Variants in EFNA5 observed in about 807,000 individuals in gnomAD.
EFNA5 encodes the protein ephrin A5.
EFNA5 carries 5 observed loss-of-function variants against 22.9 expected under a neutral mutation model. The ratio of observed to expected loss-of-function variants is 0.22; its 90% confidence interval spans 0.11 to 0.46. The LOEUF (loss-of-function observed/expected upper bound fraction) is 0.46. Ranked by LOEUF, EFNA5 falls within the 20% of genes least tolerant of loss-of-function variation. EFNA5 has a pLI of 0.99. For missense variants in EFNA5, 237 were observed against 293.3 expected, an observed-to-expected ratio of 0.81 and a Z score of 1.40; for synonymous variants, 113 against 112.2, an observed-to-expected ratio of 1.01 and a Z score of -0.04.
At chr5:107,627,635 C>CAAAAAAAA (rs758660866) in intron 1 of EFNA5, among the ~76,000 whole-genome samples, 3 of 72,082 alleles carry the variant, frequency 4.2e-5, no homozygotes, top group African/African-American at 1.0e-4. Flanking sequence ...GACCACATCT[C>CAAAAAAAA]AAAAAAAAAA....
intron 1 of EFNA5, among the ~76,000 whole-genome samples, chr5:107,638,913 A>G (rs1750443411): frequency 6.6e-6 from 1 of 152,240 alleles, no homozygotes; most frequent in African/African-American, 2.4e-5. Context: ...TCTACAATGT[A>G]TACATACATC....
chr5:107,515,859 A>G (rs1358283281), intron 1 of EFNA5, among the ~76,000 whole-genome samples: 3 of 152,224 alleles, frequency 2.0e-5, no homozygotes, highest in Non-Finnish European at 4.4e-5. Flanking sequence ...TCCAAGCCCA[A>G]GAAACTAAAA....
At chr5:107,611,481 G>T (rs1351352187) in intron 1 of EFNA5, among the ~76,000 whole-genome samples, 7 of 152,174 alleles carry the variant, frequency 4.6e-5, no homozygotes, top group African/African-American at 1.4e-4. Context: ...CCTCAATATA[G>T]TAAAAGAGGG....
intron 1 of EFNA5, among the ~76,000 whole-genome samples, chr5:107,591,625 A>G (rs1749326976): frequency 6.6e-6 from 1 of 150,754 alleles, no homozygotes; most frequent in South Asian, 2.1e-4. Flanking sequence ...GTTCGAGACC[A>G]GCCTGGCCAA....
At chr5:107,531,317 C>T (rs541873897) in intron 1 of EFNA5, among the ~76,000 whole-genome samples, 6 of 152,266 alleles carry the variant, frequency 3.9e-5, no homozygotes, top group South Asian at 2.1e-4. Flanking sequence ...CATTTTAACT[C>T]GTATAGCCAG....
chr5:107,564,167 T>C (rs1167841201), intron 1 of EFNA5, among the ~76,000 whole-genome samples: 1 of 152,168 alleles, frequency 6.6e-6, no homozygotes, highest in African/African-American at 2.4e-5. Context: ...CTTCCCACCC[T>C]CCAGCAGCTG....
Position 107,377,641 on chromosome 5 carries a change from G to A in EFNA5, c.*3614C>T, listed in dbSNP as rs558364334. ...ACTCTTCCTTTCACAACGACACAGAGAGGGAAACAGCCCCATTTAAGCTTC... is the reference window on the plus strand; with the variant it reads ...ACTCTTCCTTTCACAACGACACAGAAAGGGAAACAGCCCCATTTAAGCTTC... On this transcript the variant is annotated 3_prime_UTR_variant, in exon 5 of 5. Transcript: ENST00000333274. The A allele has an allele frequency of 6.6e-6, 1 of 152,284 alleles. No individual in the cohort carries two copies. The highest frequency in any genetic ancestry group is 2.1e-4 in the South Asian group (1 of 4,826). 9.4% of individuals were successfully genotyped at this position (152,284 alleles called of 1,614,324 possible).
At chr5:107,627,082 T>C (rs754931658) in intron 1 of EFNA5, among the ~76,000 whole-genome samples, 3 of 152,238 alleles carry the variant, frequency 2.0e-5, no homozygotes, top group Non-Finnish European at 2.9e-5. Flanking sequence ...AGGTATGTGC[T>C]ACCTTTTCAA....
intron 1 of EFNA5, among the ~76,000 whole-genome samples, chr5:107,567,538 T>A (rs932443763): frequency 6.6e-6 from 1 of 152,056 alleles, no homozygotes; most frequent in African/African-American, 2.4e-5. Flanking sequence ...ACAAATGAAG[T>A]TTGAGACACA....
At chr5:107,655,581 A>G (rs1038968225) in intron 1 of EFNA5, among the ~76,000 whole-genome samples, 7 of 152,146 alleles carry the variant, frequency 4.6e-5, no homozygotes, top group Non-Finnish European at 8.8e-5. Flanking sequence ...AATTTCCCTT[A>G]TGAATTACTT....
intron 1 of EFNA5, among the ~76,000 whole-genome samples, chr5:107,505,919 T>G (rs548922541): frequency 1.3e-5 from 2 of 152,212 alleles, no homozygotes; most frequent in East Asian, 3.9e-4. Flanking sequence ...AACTGAAGCC[T>G]AACTGAAGTA....
chr5:107,625,364 C>T (rs940702037), intron 1 of EFNA5, among the ~76,000 whole-genome samples: 3 of 151,744 alleles, frequency 2.0e-5, no homozygotes, highest in African/African-American at 7.3e-5. Context: ...TGAATTCAAT[C>T]ACCAATTTCT....
chr5:107,438,661 C>T (rs1003645286), intron 1 of EFNA5, among the ~76,000 whole-genome samples: 1 of 152,150 alleles, frequency 6.6e-6, no homozygotes, highest in African/African-American at 2.4e-5. Flanking sequence ...CGTTCTCAGG[C>T]TCCCACCAGA....
At chr5:107,428,784 C>G (rs1748871842) in intron 1 of EFNA5, among the ~76,000 whole-genome samples, 1 of 152,168 alleles carries the variant, frequency 6.6e-6, no homozygotes, top group Admixed American at 6.5e-5. Context: ...TTGGACATCT[C>G]TAGATGTTGG....
At chr5:107,518,491 T>C (rs1303962975) in intron 1 of EFNA5, among the ~76,000 whole-genome samples, 4 of 151,422 alleles carry the variant, frequency 2.6e-5, no homozygotes, top group Non-Finnish European at 5.9e-5. Context: ...AGGCAAAGCC[T>C]GGGGGACTGG....
chr5:107,458,134 T>G (rs1037346021), intron 1 of EFNA5, among the ~76,000 whole-genome samples: 7 of 152,192 alleles, frequency 4.6e-5, no homozygotes, highest in Non-Finnish European at 1.5e-5. Flanking sequence ...AATGTAATGC[T>G]CAATGAGAGT....
At chr5:107,442,701 C>A (rs1193665774) in intron 1 of EFNA5, among the ~76,000 whole-genome samples, 4 of 151,706 alleles carry the variant, frequency 2.6e-5, no homozygotes, top group Non-Finnish European at 5.9e-5. Flanking sequence ...TTACAGTTAA[C>A]CATAATGGAA....
Position 107,670,817 on chromosome 5 carries a change from G to T in EFNA5, c.-204C>A. ...GAGCGAGAAGAAAAGAAGGCGGTGGGATGGGGGGTGATAAAGACAAACTCG... is the reference window on the plus strand; with the variant it reads ...GAGCGAGAAGAAAAGAAGGCGGTGGTATGGGGGGTGATAAAGACAAACTCG... On this transcript the variant is annotated 5_prime_UTR_variant, in exon 1 of 5. Transcript: ENST00000333274. 1.6e-6 allele frequency: 1 copy of T among 633,144 alleles called. No homozygotes were observed. Among genetic ancestry groups the T allele is most frequent in the Non-Finnish European group, 2.7e-6 (1 of 376,104 alleles). 39.2% of individuals were successfully genotyped at this position (633,144 alleles called of 1,614,324 possible).
At position 107,644,459 on chromosome 5, in the gene EFNA5, T is replaced by G. The variant is rs147293935; in HGVS notation, c.125+26030A>C. Reference sequence around the variant, plus strand: ...AACATGGTCTATCGGAATAGGCTCATTAAACAGAAAAAATACTTGCATCCA... The same window carrying G: ...AACATGGTCTATCGGAATAGGCTCAGTAAACAGAAAAAATACTTGCATCCA... On this transcript the variant is annotated intron_variant, in intron 1 of 4. Coordinates refer to ENST00000333274, the MANE Select transcript of EFNA5 (RefSeq NM_001962.3). 5.4e-3 allele frequency among the ~76,000 whole-genome samples: 820 copies of G among 152,320 alleles called. 5 individuals carry two copies. The highest frequency in any genetic ancestry group is 0.019 in the African/African-American group (794 of 41,574).
Sources: allele counts gnomAD v4.1 joint callset (sites outside exome capture counted in the v4.1 genomes callset), GRCh38; gene constraint gnomAD v4.1.1; transcripts MANE v1.5; gene names NCBI Gene and HGNC (gene_info 2026-07-23, HGNC 2026-07-21).